The following PRDM11 variants were observed in gnomAD, a reference collection of about 807,000 sequenced individuals.
The protein encoded by PRDM11 is PR/SET domain 11.
In PRDM11, 20 loss-of-function variants were observed where a neutral mutation model predicts 97.8. The observed-to-expected ratio is 0.20, with a 90% CI of 0.14 to 0.30. PRDM11 has a LOEUF of 0.30. Among genes scored for constraint, PRDM11 ranks in the 10% least tolerant of loss-of-function variants. The pLI is 1.00. For synonymous variants in PRDM11, 599 were observed against 637.7 expected, an observed-to-expected ratio of 0.94 and a Z score of 0.91; for missense variants, 1,139 against 1,555.2, an observed-to-expected ratio of 0.73 and a Z score of 4.50.
In PRDM11 at chr11:45,224,550, C is replaced by A. The variant is rs749043975; in HGVS notation, c.1076C>A (p.Thr359Asn). 6.2e-7 allele frequency: 1 copy of A among 1,614,072 alleles called. No homozygotes were observed. The highest frequency in any genetic ancestry group is 1.1e-5 in the South Asian group (1 of 91,076). ...CATGGTGTGCAGAATATAGGCCAGACCCAGGGGGAGGGGGACTGGAAGGTC... is the reference window on the plus strand; with the variant it reads ...CATGGTGTGCAGAATATAGGCCAGAACCAGGGGGAGGGGGACTGGAAGGTC... ...MTHGVQNIGQ[T>N]QGEGDWKVPQ... The change falls in exon 7 of 8, where the codon ACC becomes AAC. Residue 359 changes from threonine to asparagine, a missense_variant. Thr to Asn is a moderately conservative substitution (Grantham distance 65, BLOSUM62 0). Transcript: ENST00000683152.
At chr11:45,115,174 T>C (rs948365713) in intron 1 of PRDM11, among the ~76,000 whole-genome samples, 1 of 151,984 alleles carries the variant, frequency 6.6e-6, no homozygotes, top group African/African-American at 2.4e-5. Context: ...TGTCTATATA[T>C]ATATAAAATA....
chr11:45,174,489 C>T (rs1454252036), intron 1 of PRDM11, among the ~76,000 whole-genome samples: 1 of 152,254 alleles, frequency 6.6e-6, no homozygotes, highest in Non-Finnish European at 1.5e-5. Context: ...AAAATAAAAA[C>T]AGGTATGCTT....
chr11:45,187,697 G>A (rs1852755316), intron 4 of PRDM11, among the ~76,000 whole-genome samples: 1 of 152,214 alleles, frequency 6.6e-6, no homozygotes, highest in Admixed American at 6.5e-5. Flanking sequence ...AGTGGTTAGA[G>A]GCTGCAAGGC....
chr11:45,157,053 C>T (rs941506795), intron 1 of PRDM11, among the ~76,000 whole-genome samples: 1 of 151,730 alleles, frequency 6.6e-6, no homozygotes, highest in African/African-American at 2.4e-5. Flanking sequence ...CCTGGAGGCA[C>T]GGGGGAGCTG....
In PRDM11 at chr11:45,109,092, A is replaced by T. The variant is rs1590341612; in HGVS notation, c.96+13191A>T. ...CTGGGCACTCAAGGCTGGAAACCGAAAAATGTTGTCCCCGCCCCTCAGGAA... is the reference window on the plus strand; with the variant it reads ...CTGGGCACTCAAGGCTGGAAACCGATAAATGTTGTCCCCGCCCCTCAGGAA... On this transcript the variant is annotated intron_variant, in intron 1 of 6. Transcript: ENST00000530656. 2.6e-5 allele frequency among the ~76,000 whole-genome samples: 4 copies of T among 152,194 alleles called. No individual in the cohort carries two copies. In the East Asian group the frequency reaches 7.7e-4, roughly 29 times the overall value.
At chr11:45,160,187 C>T (rs1851896602) in intron 1 of PRDM11, among the ~76,000 whole-genome samples, 1 of 152,106 alleles carries the variant, frequency 6.6e-6, no homozygotes, top group Non-Finnish European at 1.5e-5. Flanking sequence ...TTTAAATTTC[C>T]TCTAATTCCC....
At position 45,226,126 on chromosome 11, in the gene PRDM11, G is replaced by A. The variant is rs887034680; in HGVS notation, c.1501G>A (p.Gly501Arg). 2.7e-5 allele frequency: 42 copies of A among 1,533,024 alleles called. No individual in the cohort carries two copies. The highest frequency in any genetic ancestry group is 1.2e-4 in the East Asian group (5 of 40,862). The allele number at this position is 1,533,024 out of a possible 1,614,324, so 95.0% of individuals were successfully genotyped here. A position where few individuals can be genotyped will look rare whatever the true frequency, so the allele number is the denominator to read the frequency against. Reference protein sequence around the residue: ...DEPSKMSSATGRRIRRFKQEW... With the variant: ...DEPSKMSSATRRRIRRFKQEW... ...GCCCTCCAAGATGTCATCGGCCACC[G>A]GGCGCCGAATCCGGCGCTTTAAGCA... Residue 501 changes from glycine to arginine, a missense_variant, in exon 8 of 8, where the codon GGG (glycine) becomes AGG (arginine). This residue lies in a region of PRDM11 where 710 missense variants were observed against 1,044.9 expected (regional missense o/e 0.68). Coordinates refer to ENST00000683152, the MANE Select transcript of PRDM11 (RefSeq NM_001384648.1).
intron 1 of PRDM11, among the ~76,000 whole-genome samples, chr11:45,159,280 C>T (rs940841171): frequency 6.6e-6 from 1 of 152,248 alleles, no homozygotes; most frequent in Admixed American, 6.5e-5. Flanking sequence ...CAGCAGTGGC[C>T]TCCTTCCTGG....
At chr11:45,193,858 G>A (rs933976696) in intron 4 of PRDM11, among the ~76,000 whole-genome samples, 10 of 152,160 alleles carry the variant, frequency 6.6e-5, no homozygotes, top group South Asian at 4.1e-4. Context: ...TGGGCTGCCC[G>A]GACTCCAGCT....
chr11:45,168,516 C>T (rs1195523387), intron 1 of PRDM11, among the ~76,000 whole-genome samples: 1 of 152,124 alleles, frequency 6.6e-6, no homozygotes, highest in Admixed American at 6.5e-5. Flanking sequence ...CTGCCTCCTC[C>T]GGTGGCCTTG....
chr11:45,164,517 C>T (rs116698314), intron 1 of PRDM11, among the ~76,000 whole-genome samples: 2,113 of 152,350 alleles, frequency 0.014, 40 homozygotes, highest in African/African-American at 0.048. Context: ...GCTGCCAGGG[C>T]GCCAGCCACC....
intron 1 of PRDM11, among the ~76,000 whole-genome samples, chr11:45,101,223 C>T (rs1851969373): frequency 6.6e-6 from 1 of 152,142 alleles, no homozygotes; most frequent in African/African-American, 2.4e-5. Flanking sequence ...AGAGCAGAGA[C>T]TTGCCCAGTC....
intron 1 of PRDM11, among the ~76,000 whole-genome samples, chr11:45,119,747 C>A (rs1398417796): frequency 2.0e-5 from 3 of 151,464 alleles, no homozygotes; most frequent in Non-Finnish European, 2.9e-5. Context: ...CAGTCCCTTA[C>A]CCCATTTTCT....
At chr11:45,221,997 C>G (rs1854134179) in intron 6 of PRDM11, among the ~76,000 whole-genome samples, 1 of 152,146 alleles carries the variant, frequency 6.6e-6, no homozygotes, top group Non-Finnish European at 1.5e-5. Context: ...GAGGTAGGCA[C>G]CCTGATGGAG....
chr11:45,095,021 G>A (rs1013782337), upstream of PRDM11, among the ~76,000 whole-genome samples: 1 of 152,130 alleles, frequency 6.6e-6, no homozygotes, highest in Non-Finnish European at 1.5e-5. Flanking sequence ...ACCAGCACAG[G>A]CATGGGGGCA....
rs1285645201 is a variant in PRDM11 at position 45,226,128 on chromosome 11, G to T, written c.1503G>T (p.Gly501=). ...DEPSKMSSAT[G]RRIRRFKQEW... ...CCTCCAAGATGTCATCGGCCACCGG[G>T]CGCCGAATCCGGCGCTTTAAGCAGG... Residue 501 remains glycine, a synonymous_variant, in exon 8 of 8, where the codon GGG becomes GGT. Transcript: ENST00000683152. The T allele has an allele frequency of 6.5e-7, 1 of 1,533,070 alleles. No homozygotes were observed. The highest frequency in any genetic ancestry group is 8.7e-7 in the Non-Finnish European group (1 of 1,146,060). 95.0% of individuals were successfully genotyped at this position (1,533,070 alleles called of 1,614,324 possible). A position where few individuals can be genotyped will look rare whatever the true frequency, so the allele number is the denominator to read the frequency against.
chr11:45,194,887 C>T (rs11038347), intron 4 of PRDM11, among the ~76,000 whole-genome samples: 15,610 of 151,994 alleles, frequency 0.1, 1,172 homozygotes, highest in Admixed American at 0.25. Context: ...CGTGAGCCAC[C>T]GCGCCCGGCC....
chr11:45,112,925 T>C (rs1345954856), intron 1 of PRDM11, among the ~76,000 whole-genome samples: 1 of 152,226 alleles, frequency 6.6e-6, no homozygotes, highest in South Asian at 2.1e-4. Context: ...GCTGATTATT[T>C]CTTTTGCTGT....
chr11:45,153,516 G>A (rs1339688955), intron 1 of PRDM11, among the ~76,000 whole-genome samples: 1 of 152,234 alleles, frequency 6.6e-6, no homozygotes, highest in Non-Finnish European at 1.5e-5. Context: ...CATCTCCTGG[G>A]TGTGAGGCCA....
Sources: allele counts gnomAD v4.1 joint callset (sites outside exome capture counted in the v4.1 genomes callset), GRCh38; gene constraint gnomAD v4.1.1; regional missense constraint gnomAD v4.1.1; transcripts MANE v1.5; gene names NCBI Gene and HGNC (gene_info 2026-07-23, HGNC 2026-07-21).